The following ACOT12 variants were observed in gnomAD, a reference collection of about 807,000 sequenced individuals.
The protein encoded by ACOT12 is acyl-CoA thioesterase 12.
A neutral mutation model predicts 67.7 loss-of-function variants in ACOT12; 51 were observed. That is an observed-to-expected ratio of 0.75 (90% CI 0.60 to 0.95). The LOEUF (loss-of-function observed/expected upper bound fraction) is 0.95, where lower values mean the gene tolerates loss of function less well. ACOT12 is among the 40% of genes least tolerant of loss of function. The pLI, the probability that ACOT12 is intolerant of heterozygous loss-of-function variation, is 0.00. For missense variants in ACOT12, 734 were observed against 708.1 expected, an observed-to-expected ratio of 1.04 and a Z score of -0.41; for synonymous variants, 251 against 244.6, an observed-to-expected ratio of 1.03 and a Z score of -0.24.
the ACOT12 span, among the ~76,000 whole-genome samples, chr5:81,322,468 C>CAACA: frequency 7.5e-5 from 11 of 146,628 alleles, no homozygotes; most frequent in Middle Eastern, 0.011. Flanking sequence ...AAAAAATAAA[C>CAACA]AAAAAAAAAA....
At chr5:81,326,779 A>G (rs1177250611), downstream of ACOT12, among the ~76,000 whole-genome samples, 4 of 152,188 alleles carry the variant, frequency 2.6e-5, no homozygotes, top group Non-Finnish European at 4.4e-5. Context: ...TTAGTTGTCT[A>G]TGGGACTAGC....
the ACOT12 span, among the ~76,000 whole-genome samples, chr5:81,321,205 A>G: frequency 6.6e-6 from 1 of 152,216 alleles, no homozygotes; most frequent in South Asian, 2.1e-4. Context: ...GCAGTAAGCT[A>G]AGATCGCACC....
At chr5:81,324,050 T>C in the ACOT12 span, among the ~76,000 whole-genome samples, 3 of 151,994 alleles carry the variant, frequency 2.0e-5, no homozygotes, top group East Asian at 1.9e-4. Flanking sequence ...CAAGCAATTC[T>C]TCTGCCTCAG....
chr5:81,327,232 A>G (rs913453922), downstream of ACOT12, among the ~76,000 whole-genome samples: 1 of 142,152 alleles, frequency 7.0e-6, no homozygotes, highest in Non-Finnish European at 1.5e-5. Context: ...ATATATATAC[A>G]TACACACATA....
chr5:81,359,999 G>C lies in ACOT12; in HGVS notation c.400C>G (p.His134Asp). The C allele has an allele frequency of 6.2e-7, 1 of 1,611,758 alleles. No homozygotes were observed. The highest frequency in any genetic ancestry group is 8.5e-7 in the Non-Finnish European group (1 of 1,179,248). ...TCAGCAGCCAGATTATGTTCCACAT[G>C]ATCTTGTTCAGTTAGAAGTGTGACT... ...KPVTLLTEQD[H>D]VEHNLAAERR... is the part of the protein sequence containing the mutation. Residue 134 changes from histidine to aspartate, a missense_variant, in exon 5 of 15, where the codon CAT (histidine) becomes GAT (aspartate). By Grantham distance (81) the His-to-Asp change is moderately conservative. Coordinates refer to ENST00000307624, the MANE Select transcript of ACOT12 (RefSeq NM_130767.3).
chr5:81,348,037 A>G (rs1413167201), intron 5 of ACOT12, 107 bp from the exon 6 acceptor site: 38 of 1,290,476 alleles, frequency 2.9e-5, no homozygotes, highest in Non-Finnish European at 3.7e-5. Context: ...TAGAAAAATT[A>G]AAGTGTTCTC....
At chr5:81,312,458 A>C in the ACOT12 span, 70 of 996,718 alleles carry the variant, frequency 7.0e-5, no homozygotes, top group Middle Eastern at 4.3e-4. Flanking sequence ...TATCAAAATG[A>C]GTTCCTTTCC....
the ACOT12 span, among the ~76,000 whole-genome samples, chr5:81,313,778 T>G: frequency 4.0e-3 from 602 of 152,346 alleles, 4 homozygotes; most frequent in Middle Eastern, 0.024. Context: ...TGTTTTCATC[T>G]CTGCACAACT....
In ACOT12 at chr5:81,363,905, G is replaced by C; in HGVS notation, c.259-16C>G. ...TGATACTGATCTAAAATGAAAAAAA[G>C]ATAAATAAATACACTCTTGGCCAGT... On this transcript the variant is annotated splice_polypyrimidine_tract_variant and intron_variant, in intron 3 of 14. Transcript: ENST00000307624. 6.5e-7 allele frequency: 1 copy of C among 1,545,658 alleles called. No homozygotes were observed. The highest frequency in any genetic ancestry group is 8.7e-7 in the Non-Finnish European group (1 of 1,143,464).
chr5:81,318,395 T>G, the ACOT12 span, among the ~76,000 whole-genome samples: 1 of 152,236 alleles, frequency 6.6e-6, no homozygotes, highest in African/African-American at 2.4e-5. Context: ...CCAATGATCC[T>G]TATGTATATC....
At chr5:81,362,489 C>T (rs1377104511) in intron 4 of ACOT12, among the ~76,000 whole-genome samples, 7 of 152,108 alleles carry the variant, frequency 4.6e-5, no homozygotes, top group East Asian at 3.9e-4. Flanking sequence ...TTATTCCACA[C>T]GTCCATGAAG....
In ACOT12 at chr5:81,345,097, CCTTGCACACCGCTGCCA is replaced by C. The variant is rs1359164919; in HGVS notation, c.774-73_774-57del. The C allele has an allele frequency of 3.3e-5, 53 of 1,588,082 alleles. 1 individual carries two copies. Among genetic ancestry groups the C allele is most frequent in the South Asian group, 3.1e-4 (28 of 89,722 alleles). ...AGAGGATCTTGACCCATCAGGCCCTCCTTGCACACCGCTGCCACCTCCTCGCCCACCGCTGCCACCTC... is the reference window on the plus strand; with the variant it reads ...AGAGGATCTTGACCCATCAGGCCCTCCCTCCTCGCCCACCGCTGCCACCTC... On this transcript the variant is annotated intron_variant, in intron 7 of 14. Transcript: ENST00000307624.
intron 2 of ACOT12, among the ~76,000 whole-genome samples, chr5:81,375,342 C>T (rs1760378562): frequency 6.6e-6 from 1 of 152,084 alleles, no homozygotes; most frequent in African/African-American, 2.4e-5. Context: ...CTGAAGGAAG[C>T]ACCAAACATG....
intron 12 of ACOT12, 30 bp from the exon 13 acceptor site, chr5:81,332,635 A>G: frequency 6.2e-7 from 1 of 1,612,568 alleles, no homozygotes. Flanking sequence ...AAAAGCAGGT[A>G]TACTTTCTAC....
At chr5:81,384,386 C>G (rs147110650) in intron 2 of ACOT12, among the ~76,000 whole-genome samples, 8 of 152,090 alleles carry the variant, frequency 5.3e-5, no homozygotes, top group East Asian at 3.9e-4. Flanking sequence ...GATCCACCCC[C>G]CTAGGCCTCC....
At position 81,377,588 on chromosome 5, in the gene ACOT12, A is replaced by G. The variant is rs1760457894; in HGVS notation, c.198-5778T>C. Among the ~76,000 whole-genome samples the G allele has an allele frequency of 2.0e-5, 3 of 152,218 alleles. No homozygotes were observed. The South Asian group carries it at 6.2e-4, about 32-fold the overall frequency. ...AATTACATGATTGTATATTTAGAAAACCCCATCTTCTCAGCTCAAAATCTC... is the reference window on the plus strand; with the variant it reads ...AATTACATGATTGTATATTTAGAAAGCCCCATCTTCTCAGCTCAAAATCTC... On this transcript the variant is annotated intron_variant, in intron 2 of 14. Transcript: ENST00000307624.
At chr5:81,311,895 G>A in the ACOT12 span, among the ~76,000 whole-genome samples, 1 of 152,160 alleles carries the variant, frequency 6.6e-6, no homozygotes, top group Non-Finnish European at 1.5e-5. Flanking sequence ...GTGAAGGAAA[G>A]CAAGAAGACA....
chr5:81,380,813 G>A (rs984203455), intron 2 of ACOT12, among the ~76,000 whole-genome samples: 2 of 152,086 alleles, frequency 1.3e-5, no homozygotes, highest in African/African-American at 4.8e-5. Context: ...AATGACAGGG[G>A]TGTGTTCTGA....
rs781742839 is a variant in ACOT12 at position 81,344,202 on chromosome 5, C to A, written c.938G>T (p.Arg313Leu). The change falls in exon 9 of 15, where the codon CGC becomes CTC. Residue 313 changes from arginine (R) to leucine (L), a missense_variant. Arg to Leu is a moderately radical substitution (Grantham distance 102). Transcript: ENST00000307624. ...IQPISKDDFR[R>L]YRGAIARKRI... ...CTTGCGTGCAATAGCTCCCCGATAG[C>A]GTCTGAAATCATCCTTTAATCAAAA... 3 of 1,613,070 alleles carry A rather than the reference C, an allele frequency of 1.9e-6. No individual in the cohort carries two copies. The highest frequency in any genetic ancestry group is 2.2e-5 in the South Asian group (2 of 90,770).
Sources: allele counts gnomAD v4.1 joint callset (sites outside exome capture counted in the v4.1 genomes callset), GRCh38; gene constraint gnomAD v4.1.1; transcripts MANE v1.5; gene names NCBI Gene and HGNC (gene_info 2026-07-23, HGNC 2026-07-21).